UTP4: variants seen among roughly 807,000 people sequenced by gnomAD.
The protein encoded by UTP4 is UTP4 small subunit processome component.
UTP4 carries 45 observed loss-of-function variants against 82.4 expected under a neutral mutation model. The ratio of observed to expected loss-of-function variants is 0.55; its 90% CI spans 0.43 to 0.70. The LOEUF is 0.70. UTP4 is among the 30% of genes least tolerant of loss of function. The probability of loss-of-function intolerance (pLI) is 0.00; values close to 1 mark genes in which losing one functional copy is unlikely to be tolerated. For synonymous variants in UTP4, 348 were observed against 300.3 expected (o/e 1.16, Z -1.64); for missense variants, 819 against 858.3 (o/e 0.95, Z 0.57).
chr16:69,154,656 C>T (rs1277432750), intron 10 of UTP4, among the ~76,000 whole-genome samples, 199 bp downstream of exon 10: 1 of 152,022 alleles, frequency 6.6e-6, no homozygotes, highest in East Asian at 1.9e-4. Flanking sequence ...TGGATGTATA[C>T]AGGAAATAGG....
At position 69,139,734 on chromosome 16, in the gene UTP4, C is replaced by T. The variant is rs980440542; in HGVS notation, c.437-91C>T. The T allele has an allele frequency of 3.7e-6, 3 of 816,778 alleles. No individual in the cohort carries two copies. In the African/African-American group the frequency reaches 5.0e-5, roughly 14 times the overall value. 50.6% of individuals were successfully genotyped at this position (816,778 alleles called of 1,614,324 possible). A position where few individuals can be genotyped will look rare whatever the true frequency, so the allele number is the denominator to read the frequency against. ...AGATGAGAGAGCTAAGATTGTAGAA[C>T]ACTCTAGAGATAGTTGTGGGAAGAG... is the stretch of plus-strand genomic sequence containing the variant. On this transcript the variant is annotated intron_variant, in intron 4 of 16. Transcript: ENST00000314423.
intron 11 of UTP4, 36 bp from the exon 12 acceptor site, chr16:69,157,048 T>G (rs758016064): frequency 6.8e-6 from 11 of 1,612,878 alleles, no homozygotes; most frequent in Non-Finnish European, 9.3e-6. Context: ...TAGGTCTCCC[T>G]TCTCTCACTG....
chr16:69,168,777 C>T (rs777385668), intron 16 of UTP4, 44 bp from the exon 17 acceptor site: 1 of 1,241,750 alleles, frequency 8.1e-7, no homozygotes, highest in Non-Finnish European at 1.2e-6. Flanking sequence ...CAGGACTAGC[C>T]CTGGATCCTA....
intron 2 of UTP4, among the ~76,000 whole-genome samples, chr16:69,135,100 T>TATATA (rs1288799715): frequency 1.3e-5 from 2 of 151,994 alleles, no homozygotes; most frequent in Non-Finnish European, 2.9e-5. Context: ...ATAATTTGTG[T>TATATA]GTTTGTTTAA....
chr16:69,135,675 CACTGCACTCCAGTCTGGGTG>C (rs1420413053), intron 2 of UTP4, among the ~76,000 whole-genome samples: 1 of 152,090 alleles, frequency 6.6e-6, no homozygotes, highest in African/African-American at 2.4e-5. Flanking sequence ...AAGATCGTGC[CACTGCACTCCAGTCTGGGTG>C]ACAAAATGAG....
chr16:69,166,849 C>T, intron 15 of UTP4: 2 of 557,638 alleles, frequency 3.6e-6, no homozygotes, highest in East Asian at 3.1e-5. Context: ...AGAGTAGCTT[C>T]AGCTCTTTCT....
At chr16:69,146,757 G>A (rs1597139668) in intron 6 of UTP4, among the ~76,000 whole-genome samples, 1 of 152,100 alleles carries the variant, frequency 6.6e-6, no homozygotes, top group African/African-American at 2.4e-5. Flanking sequence ...AGCACTTTGG[G>A]AGGCCGAGGC....
chr16:69,164,594 A>G (rs1292926057), intron 14 of UTP4, among the ~76,000 whole-genome samples: 7 of 123,604 alleles, frequency 5.7e-5, no homozygotes, highest in African/African-American at 2.0e-4. Context: ...CTTTATATAT[A>G]TATATATATA....
At chr16:69,155,236 C>G (rs1035133446) in intron 10 of UTP4, among the ~76,000 whole-genome samples, 6 of 152,064 alleles carry the variant, frequency 3.9e-5, no homozygotes, top group Non-Finnish European at 7.4e-5. Context: ...AGCAGTGGCA[C>G]GGTCACGGCT....
chr16:69,165,222 A>T, intron 14 of UTP4, 119 bp from the exon 15 acceptor site: 1 of 824,994 alleles, frequency 1.2e-6, no homozygotes, highest in Non-Finnish European at 1.9e-6. Context: ...TTGGGAGAGC[A>T]TAGAATGAAT....
intron 12 of UTP4, among the ~76,000 whole-genome samples, chr16:69,158,722 A>C (rs1963487884): frequency 6.6e-6 from 1 of 152,058 alleles, no homozygotes; most frequent in Non-Finnish European, 1.5e-5. Flanking sequence ...CACAGCTCTC[A>C]AACCTGCATA....
intron 6 of UTP4, among the ~76,000 whole-genome samples, chr16:69,147,124 C>G (rs1357998514): frequency 6.7e-6 from 1 of 148,650 alleles, no homozygotes; most frequent in East Asian, 2.0e-4. Context: ...TTGCAGTGAG[C>G]TGAGATCGTG....
chr16:69,155,020 A>G (rs183320545), intron 10 of UTP4, among the ~76,000 whole-genome samples: 4 of 151,976 alleles, frequency 2.6e-5, no homozygotes, highest in Admixed American at 6.6e-5. Context: ...GCGCCCAGCC[A>G]TGTGCATATT....
chr16:69,150,454 G>A (rs1359671658), intron 6 of UTP4, 83 bp from the exon 7 acceptor site: 16 of 1,477,000 alleles, frequency 1.1e-5, no homozygotes, highest in Non-Finnish European at 1.5e-5. Context: ...CCCCTAAGCT[G>A]CTGAGACAGA....
intron 4 of UTP4, 59 bp from the exon 5 acceptor site, chr16:69,139,766 G>A: frequency 8.9e-7 from 1 of 1,127,746 alleles, no homozygotes; most frequent in Non-Finnish European, 1.4e-6. Context: ...AGAGAGCTCA[G>A]TTACTCTTCG....
At chr16:69,140,852 T>C (rs1397774677) in intron 5 of UTP4, among the ~76,000 whole-genome samples, 1 of 152,200 alleles carries the variant, frequency 6.6e-6, no homozygotes, top group Non-Finnish European at 1.5e-5. Context: ...CATTTTTTAC[T>C]GACTTCTGCA....
At chr16:69,150,770 G>T in intron 7 of UTP4, 43 bp from the exon 8 acceptor site, 2 of 1,613,494 alleles carry the variant, frequency 1.2e-6, no homozygotes, top group Non-Finnish European at 8.5e-7. Flanking sequence ...GTTCTCGTGA[G>T]GATGACTTCT....
intron 16 of UTP4, 145 bp from the exon 17 acceptor site, chr16:69,168,676 C>T: frequency 4.2e-6 from 3 of 722,694 alleles, no homozygotes. Context: ...AGTCCCAGGG[C>T]AGGAAAGATT....
rs779063441 is a variant in UTP4 at position 69,153,685 on chromosome 16, G to T, written c.1099+5G>T. Reference sequence around the variant, plus strand: ...TGGGATCCACAGTTGCAACAGGTAAGATGGGAGCACGTTTTTTTCAATAAG... The same window carrying T: ...TGGGATCCACAGTTGCAACAGGTAATATGGGAGCACGTTTTTTTCAATAAG... On this transcript the variant is annotated splice_donor_5th_base_variant and intron_variant, in intron 9 of 16. Transcript: ENST00000314423. 3 of 1,597,990 alleles carry T rather than the reference G, an allele frequency of 1.9e-6. No individual in the cohort carries two copies. Among genetic ancestry groups the T allele is most frequent in the Non-Finnish European group, 2.6e-6 (3 of 1,166,582 alleles).
Sources: allele counts gnomAD v4.1 joint callset (sites outside exome capture counted in the v4.1 genomes callset), GRCh38; gene constraint gnomAD v4.1.1; transcripts MANE v1.5; gene names NCBI Gene and HGNC (gene_info 2026-07-23, HGNC 2026-07-21).